The following DAB1 variants were observed in gnomAD, a reference collection of about 807,000 sequenced individuals.
DAB1 encodes the protein DAB adaptor protein 1.
DAB1 carries 15 observed loss-of-function variants against 64.6 expected under a neutral mutation model. That is an observed-to-expected ratio of 0.23 (90% confidence interval 0.16 to 0.36). The LOEUF (loss-of-function observed/expected upper bound fraction) is 0.36, where lower values mean the gene tolerates loss of function less well. DAB1 is among the 10% of genes least tolerant of loss of function. The probability of loss-of-function intolerance (pLI) is 1.00; values close to 1 mark genes in which losing one functional copy is unlikely to be tolerated. For missense variants in DAB1, 596 were observed against 706.7 expected, an observed-to-expected ratio of 0.84 and a Z score of 1.78; for synonymous variants, 235 against 251.9, an observed-to-expected ratio of 0.93 and a Z score of 0.64.
intron 5 of DAB1, among the ~76,000 whole-genome samples, chr1:57,906,967 GATAGATAGA>G (rs1488589220): frequency 1.3e-5 from 2 of 152,018 alleles, no homozygotes; most frequent in African/African-American, 4.8e-5. Context: ...TAGATAGATA[GATAGATAGA>G]TAGATAGATA....
chr1:57,488,175 G>A (rs1368386722), intron 7 of DAB1, among the ~76,000 whole-genome samples: 3 of 152,066 alleles, frequency 2.0e-5, no homozygotes, highest in Non-Finnish European at 4.4e-5. Flanking sequence ...AGGCCAAGAC[G>A]GGTGGATTAC....
rs746534284 is a variant in DAB1, at chr1:58,539,059, G to A, written n.32+7644C>T. ...ACTTTTGGTACTTGAGAGGCCTCCT[G>A]TTCTTTTGTTGTTAAAAGTACTATA... On this transcript the variant is annotated intron_variant and non_coding_transcript_variant, in intron 1 of 20. Transcript: ENST00000485760. The A allele has an allele frequency of 1.7e-5, 15 of 872,820 alleles. No homozygotes were observed. In the South Asian group the frequency reaches 2.0e-4, roughly 11 times the overall value. 54.1% of individuals were successfully genotyped at this position (872,820 alleles called of 1,614,324 possible). A position where few individuals can be genotyped will look rare whatever the true frequency, so the allele number is the denominator to read the frequency against.
chr1:58,383,171 T>C (rs544511209), intron 3 of DAB1, among the ~76,000 whole-genome samples: 1 of 152,234 alleles, frequency 6.6e-6, no homozygotes, highest in Non-Finnish European at 1.5e-5. Flanking sequence ...GATCTGTTAG[T>C]GAGCAGAGTA....
chr1:58,092,815 T>C (rs1252491512), intron 5 of DAB1, among the ~76,000 whole-genome samples: 1 of 152,106 alleles, frequency 6.6e-6, no homozygotes, highest in Non-Finnish European at 1.5e-5. Context: ...CCATCTCTCA[T>C]AGCCATCCAC....
chr1:58,268,033 G>C (rs528474025), intron 4 of DAB1, among the ~76,000 whole-genome samples: 57 of 152,154 alleles, frequency 3.7e-4, no homozygotes, highest in Non-Finnish European at 7.5e-4. Flanking sequence ...GAGGAGAGTT[G>C]CATGCTTGGG....
chr1:57,221,237 G>C (rs1666841144), intron 2 of DAB1, among the ~76,000 whole-genome samples: 1 of 151,452 alleles, frequency 6.6e-6, no homozygotes, highest in African/African-American at 2.4e-5. Flanking sequence ...TCACACACTG[G>C]GGCCTATTGT....
chr1:57,875,833 T>C (rs1256351118), intron 1 of DAB1, among the ~76,000 whole-genome samples: 2 of 152,150 alleles, frequency 1.3e-5, no homozygotes, highest in African/African-American at 4.8e-5. Flanking sequence ...CTGGGTCAAA[T>C]GAAAAATTTA....
intron 6 of DAB1, among the ~76,000 whole-genome samples, chr1:57,797,887 C>T (rs1319836486): frequency 6.6e-6 from 1 of 152,132 alleles, no homozygotes; most frequent in Admixed American, 6.5e-5. Flanking sequence ...ACAAATGTTA[C>T]TTATTGCTGT....
rs79815892 is a variant in DAB1, at chr1:57,401,068, G to A, written c.-137+22862C>T. Among the ~76,000 whole-genome samples the A allele has an allele frequency of 9.5e-3, 1,437 of 150,864 alleles. 33 individuals are homozygous for A. Among genetic ancestry groups the A allele is most frequent in the African/African-American group, 0.033 (1,350 of 41,090 alleles). Reference sequence around the variant, plus strand: ...TTTGACATGATTAGTAGCACAGCACGGTCCTACCATAAGGTGCTAAATAAT... The same window carrying A: ...TTTGACATGATTAGTAGCACAGCACAGTCCTACCATAAGGTGCTAAATAAT... On this transcript the variant is annotated intron_variant, in intron 1 of 14. Coordinates refer to ENST00000371236, the MANE Select transcript of DAB1 (RefSeq NM_001365792.1).
intron 3 of DAB1, among the ~76,000 whole-genome samples, chr1:58,491,779 C>A (rs1645696620): frequency 6.6e-6 from 1 of 152,136 alleles, no homozygotes. Flanking sequence ...TCCTTAGAGA[C>A]CTACAAAGTG....
At chr1:58,485,970 C>T (rs1645570000) in intron 3 of DAB1, among the ~76,000 whole-genome samples, 2 of 152,206 alleles carry the variant, frequency 1.3e-5, no homozygotes, top group South Asian at 2.1e-4. Flanking sequence ...TTCTGAGAAT[C>T]CTGAGGAAGA....
intron 5 of DAB1, among the ~76,000 whole-genome samples, chr1:58,133,127 A>C (rs1653736229): frequency 6.6e-6 from 1 of 152,208 alleles, no homozygotes; most frequent in Non-Finnish European, 1.5e-5. Context: ...TGGTTTTGGA[A>C]GTGGCCTAGT....
chr1:58,489,304 C>A (rs913134064), intron 3 of DAB1, among the ~76,000 whole-genome samples: 9 of 152,356 alleles, frequency 5.9e-5, no homozygotes, highest in South Asian at 2.1e-4. Context: ...TATCCCACGC[C>A]TGGCTCAAAG....
downstream of DAB1, among the ~76,000 whole-genome samples, chr1:57,823,847 C>G (rs903894866): frequency 5.3e-5 from 8 of 152,092 alleles, no homozygotes; most frequent in African/African-American, 1.9e-4. Context: ...GAAGCAGAGA[C>G]TCAAAGACGT....
intron 7 of DAB1, among the ~76,000 whole-genome samples, chr1:57,585,651 A>G (rs144170750): frequency 4.6e-5 from 7 of 152,226 alleles, no homozygotes; most frequent in African/African-American, 1.7e-4. Flanking sequence ...GGCATTCACA[A>G]TTCTATAATA....
chr1:57,962,912 A>G (rs1645562061), intron 5 of DAB1, among the ~76,000 whole-genome samples: 1 of 151,560 alleles, frequency 6.6e-6, no homozygotes, highest in Non-Finnish European at 1.5e-5. Flanking sequence ...AAACCTCAAG[A>G]GCCACTTTTA....
intron 5 of DAB1, among the ~76,000 whole-genome samples, chr1:57,994,373 C>A (rs974114966): frequency 6.6e-6 from 1 of 152,188 alleles, no homozygotes; most frequent in Non-Finnish European, 1.5e-5. Flanking sequence ...ATGGCATCTG[C>A]AACCTCCCTC....
intron 4 of DAB1, among the ~76,000 whole-genome samples, chr1:58,295,882 G>T (rs1353130213): frequency 6.9e-6 from 1 of 145,808 alleles, no homozygotes; most frequent in Non-Finnish European, 1.5e-5. Flanking sequence ...CTTGAGGTCA[G>T]GGGGTCGAGA....
intron 1 of DAB1, among the ~76,000 whole-genome samples, chr1:57,861,446 C>T (rs889449512): frequency 6.6e-6 from 1 of 152,134 alleles, no homozygotes; most frequent in African/African-American, 2.4e-5. Context: ...GAGGGCTCCA[C>T]CCTCATGACC....
Sources: gnomAD v4.1 joint callset for allele counts (sites outside exome capture counted in the v4.1 genomes callset) on GRCh38, gnomAD v4.1.1 for gene constraint, MANE v1.5 for transcripts, NCBI Gene and HGNC (gene_info 2026-07-23, HGNC 2026-07-21) for gene names.